Variants in INTS1 observed in about 807,000 individuals in gnomAD.
The protein encoded by INTS1 is integrator complex subunit 1.
In INTS1, 137 loss-of-function variants were observed where a neutral mutation model predicts 241.6. The ratio of observed to expected loss-of-function variants is 0.57; its 90% CI spans 0.49 to 0.65. The LOEUF is 0.65. Ranked by LOEUF, INTS1 falls within the 30% of genes least tolerant of loss-of-function variation. The pLI, the probability that INTS1 is intolerant of heterozygous loss-of-function variation, is 0.00. For synonymous variants in INTS1, 1,692 were observed against 1,337.8 expected (o/e 1.26, Z -5.78); for missense variants, 3,073 against 3,032.2 (o/e 1.01, Z -0.32).
chr7:1,492,599 G>A (rs1205566756), intron 16 of INTS1, among the ~76,000 whole-genome samples: 3 of 147,904 alleles, frequency 2.0e-5, no homozygotes, highest in East Asian at 2.0e-4. Flanking sequence ...TCTCGATAAA[G>A]CCGTGAATAT....
At chr7:1,487,135 T>A (rs1782309734) in intron 20 of INTS1, 34 bp from the exon 21 acceptor site, 2 of 1,534,956 alleles carry the variant, frequency 1.3e-6, no homozygotes, top group Admixed American at 2.0e-5. Context: ...GCTCAGCACC[T>A]TCCAGGCCCA....
In INTS1 at chr7:1,499,914, C is replaced by T. The variant is rs767566063; in HGVS notation, c.654G>A (p.Glu218=). Residue 218 remains glutamate, a synonymous_variant, in exon 5 of 48, where the codon GAG becomes GAA. Coordinates refer to ENST00000404767, the MANE Select transcript of INTS1 (RefSeq NM_001080453.3). ...CAAAGATCTCGGGCCAGTTCTCGTCCTCCTCGTAGGCGGCCATGAGGAGGT... is the reference window on the plus strand; with the variant it reads ...CAAAGATCTCGGGCCAGTTCTCGTCTTCCTCGTAGGCGGCCATGAGGAGGT... ...ACNLLMAAYE[E]DENWPEIFVK... 6.2e-7 allele frequency: 1 copy of T among 1,613,470 alleles called. No homozygotes were observed. The highest frequency in any genetic ancestry group is 8.5e-7 in the Non-Finnish European group (1 of 1,179,672).
intron 39 of INTS1, 90 bp downstream of exon 39, chr7:1,475,858 T>C (rs2128533400): frequency 1.4e-6 from 2 of 1,439,920 alleles, no homozygotes; most frequent in Non-Finnish European, 1.9e-6. Flanking sequence ...TAGCCGGCGA[T>C]GGCCATGTAC....
In INTS1 at chr7:1,473,125, C is replaced by T. The variant is rs1356482976; in HGVS notation, c.6017G>A (p.Ser2006Asn). ...VMLKSLLAGLSLPSRDDRTDR... is the reference protein window; with the variant it reads ...VMLKSLLAGLNLPSRDDRTDR... ...GGTCCTGTCGTCCCTGCTGGGCAGG[C>T]TGAGCCCTGCAAGGAGGGATTTCAG... is the stretch of plus-strand genomic sequence containing the variant. Residue 2006 changes from serine to asparagine, a missense_variant, in exon 43 of 48, where the codon AGC becomes AAC. Coordinates refer to ENST00000404767, the MANE Select transcript of INTS1 (RefSeq NM_001080453.3). 2 of 1,612,082 alleles carry T rather than the reference C, an allele frequency of 1.2e-6. No individual in the cohort carries two copies. Among genetic ancestry groups the T allele is most frequent in the African/African-American group, 2.7e-5 (2 of 74,940 alleles).
At chr7:1,499,735 C>T in intron 5 of INTS1, 103 bp from the exon 6 acceptor site, 1 of 1,478,414 alleles carries the variant, frequency 6.8e-7, no homozygotes, top group South Asian at 1.3e-5. Flanking sequence ...GCGGCCCTCT[C>T]CAGCTTCTGG....
At chr7:1,473,271 C>T (rs1324192841) in intron 42 of INTS1, 87 bp from the exon 43 acceptor site, 29 of 651,034 alleles carry the variant, frequency 4.5e-5, no homozygotes, top group South Asian at 2.4e-4. Flanking sequence ...GGCATGGGAG[C>T]GTGTGGACAC....
rs1369845455 is a variant in INTS1 at position 1,487,917 on chromosome 7, TCTC to T, written c.2356_2358del (p.Glu786del). ...TCACGGTTCAGCATCTCCGTCCGGG[TCTC>T]CTCATCCGTCAGGGTGCACGGTGGG... On this transcript the variant is annotated inframe_deletion, in exon 19 of 48. Transcript: ENST00000404767. The T allele has an allele frequency of 1.2e-6, 2 of 1,613,358 alleles. No homozygotes were observed. Among genetic ancestry groups the T allele is most frequent in the South Asian group, 1.1e-5 (1 of 91,082 alleles).
At chr7:1,479,104 G>A (rs1242291196) in intron 31 of INTS1, among the ~76,000 whole-genome samples, 2 of 152,206 alleles carry the variant, frequency 1.3e-5, no homozygotes, top group Non-Finnish European at 2.9e-5. Flanking sequence ...AGCTGGTGAG[G>A]GCTCCCACGC....
intron 29 of INTS1, 113 bp downstream of exon 29, chr7:1,480,722 C>T (rs1407863313): frequency 4.6e-6 from 4 of 870,762 alleles, no homozygotes; most frequent in East Asian, 5.3e-5. Context: ...AGCAAGTGTG[C>T]ACTGCCCTGT....
intron 12 of INTS1, among the ~76,000 whole-genome samples, chr7:1,495,787 A>G (rs572361460): frequency 6.6e-6 from 1 of 152,260 alleles, no homozygotes; most frequent in South Asian, 2.1e-4. Context: ...TCAATGGCTT[A>G]GAGGGCTTCT....
In INTS1 at chr7:1,474,381, C is replaced by T. The variant is rs760367761; in HGVS notation, c.5637-21G>A. ...GGTGCCTGCGGGCGCGGTGAGGGCC[C>T]AGTCAGCCCCGGCCGGCGGGCTCAC... On this transcript the variant is annotated intron_variant, in intron 40 of 47. Coordinates refer to ENST00000404767, the MANE Select transcript of INTS1 (RefSeq NM_001080453.3). 1.9e-6 allele frequency: 3 copies of T among 1,564,780 alleles called. No individual in the cohort carries two copies. In the South Asian group the frequency reaches 3.4e-5, roughly 18 times the overall value.
chr7:1,474,157 GGA>G lies in INTS1; in HGVS notation c.5829+9_5829+10del, dbSNP rs773237957. ...GAAGGGAGCGCGAGGGCGGGCGGCGGGAGCACACACCAGCAGCAGGCGGATGA... is the reference window on the plus strand; with the variant it reads ...GAAGGGAGCGCGAGGGCGGGCGGCGGGCACACACCAGCAGCAGGCGGATGA... On this transcript the variant is annotated intron_variant, in intron 41 of 47. Transcript: ENST00000404767. 5 of 1,549,270 alleles carry G rather than the reference GGA, an allele frequency of 3.2e-6. No individual in the cohort carries two copies. The Admixed American group carries it at 8.9e-5, about 28-fold the overall frequency.
intron 6 of INTS1, 29 bp from the exon 7 acceptor site, chr7:1,499,389 G>A: frequency 6.4e-7 from 1 of 1,557,654 alleles, no homozygotes; most frequent in Non-Finnish European, 8.7e-7. Context: ...GCTCCATGCA[G>A]CGCCTCCCAC....
At chr7:1,495,935 A>G (rs991263654) in intron 12 of INTS1, among the ~76,000 whole-genome samples, 1 of 152,068 alleles carries the variant, frequency 6.6e-6, no homozygotes, top group African/African-American at 2.4e-5. Flanking sequence ...GAGCACACAA[A>G]GGACGCTCAT....
intron 16 of INTS1, among the ~76,000 whole-genome samples, chr7:1,491,934 A>T (rs1782572072): frequency 6.6e-6 from 1 of 152,232 alleles, no homozygotes; most frequent in South Asian, 2.1e-4. Flanking sequence ...AACCGAAACA[A>T]ACGTGAGATA....
chr7:1,494,737 C>T (rs1415108140), intron 14 of INTS1, 79 bp downstream of exon 14: 1 of 1,425,804 alleles, frequency 7.0e-7, no homozygotes, highest in African/African-American at 1.4e-5. Flanking sequence ...CCCACTGGCC[C>T]TTCCTGCCGC....
At chr7:1,486,584 A>G in intron 22 of INTS1, 41 bp downstream of exon 22, 1 of 1,585,560 alleles carries the variant, frequency 6.3e-7, no homozygotes, top group African/African-American at 1.3e-5. Context: ...CTCATTTTAA[A>G]CATGAAGAGC....
At chr7:1,478,233 G>T (rs529779146) in intron 33 of INTS1, 133 bp downstream of exon 33, 18 of 1,022,932 alleles carry the variant, frequency 1.8e-5, no homozygotes, top group East Asian at 1.3e-4. Context: ...TCTGGGAGGG[G>T]ACCTCTGTGG....
chr7:1,480,076 G>A (rs1053606821), intron 30 of INTS1, among the ~76,000 whole-genome samples: 17 of 152,274 alleles, frequency 1.1e-4, no homozygotes, highest in African/African-American at 4.1e-4. Flanking sequence ...TGGCAGGGAG[G>A]ATGCAGGGCG....
Sources: allele counts gnomAD v4.1 joint callset (sites outside exome capture counted in the v4.1 genomes callset), GRCh38; gene constraint gnomAD v4.1.1; transcripts MANE v1.5; gene names NCBI Gene and HGNC (gene_info 2026-07-23, HGNC 2026-07-21).